Variants in ANKRD12 observed in about 807,000 individuals in gnomAD.
ANKRD12 encodes the protein ankyrin repeat domain-containing protein 12.
In ANKRD12, 85 loss-of-function variants were observed where a neutral mutation model predicts 183.4. That is an observed-to-expected ratio of 0.46 (90% CI 0.39 to 0.56). ANKRD12 has a LOEUF of 0.56. Among genes scored for constraint, ANKRD12 ranks in the 20% least tolerant of loss-of-function variants. The pLI is 0.00. For synonymous variants in ANKRD12, 914 were observed against 800.2 expected, an observed-to-expected ratio of 1.14 and a Z score of -2.40; for missense variants, 2,405 against 2,357.1, an observed-to-expected ratio of 1.02 and a Z score of -0.42.
rs766838475 is a variant in ANKRD12 at position 9,204,496 on chromosome 18, A to G, written c.256A>G (p.Ser86Gly). ...SDTDSDPGHT[S>G]ENWGERLISS... is the part of the protein sequence containing the mutation. Reference sequence around the variant, plus strand: ...TGTAGATTCAGATCCAGGACATACAAGTGAAAATTGGGGGGAGAGACTTAT... The same window carrying G: ...TGTAGATTCAGATCCAGGACATACAGGTGAAAATTGGGGGGAGAGACTTAT... Residue 86 changes from serine to glycine, a missense_variant, in exon 4 of 13, where the codon AGT becomes GGT. Physicochemically the swap from Ser to Gly is moderately conservative, Grantham distance 56. Around this residue, in one of 7 missense-constraint regions of ANKRD12, gnomAD observed 145 missense variants for 145.6 expected, o/e 1.00. Coordinates refer to ENST00000262126, the MANE Select transcript of ANKRD12 (RefSeq NM_015208.5). 6 of 1,603,274 alleles carry G rather than the reference A, an allele frequency of 3.7e-6. No individual in the cohort carries two copies. Among genetic ancestry groups the G allele is most frequent in the Non-Finnish European group, 5.1e-6 (6 of 1,172,518 alleles).
intron 1 of ANKRD12, among the ~76,000 whole-genome samples, chr18:9,166,849 AG>A (rs1280267765): frequency 1.3e-5 from 2 of 152,158 alleles, no homozygotes; most frequent in African/African-American, 4.8e-5. Flanking sequence ...TTATGGTTTT[AG>A]GTCTAACATG....
At chr18:9,269,921 C>T (rs968695321) in intron 10 of ANKRD12, among the ~76,000 whole-genome samples, 4 of 151,882 alleles carry the variant, frequency 2.6e-5, no homozygotes, top group Non-Finnish European at 5.9e-5. Context: ...AACAGATTTA[C>T]AAGAAAAAAC....
At chr18:9,269,153 C>T (rs949298737) in intron 10 of ANKRD12, among the ~76,000 whole-genome samples, 2 of 152,220 alleles carry the variant, frequency 1.3e-5, no homozygotes, top group Admixed American at 1.3e-4. Context: ...ATTCCAAGCT[C>T]ATGGGTAGGA....
Position 9,284,460 on chromosome 18 carries a change from T to C in ANKRD12, c.*3334T>C, listed in dbSNP as rs1039729851. ...AATTTTATATAGAAGAAATTGACTC[T>C]GTAAAACGCAATGAAATAGTCCTCT... is the stretch of plus-strand genomic sequence containing the variant. On this transcript the variant is annotated 3_prime_UTR_variant, in exon 13 of 13. Transcript: ENST00000262126. 1.3e-5 allele frequency: 2 copies of C among 152,216 alleles called. No individual in the cohort carries two copies. The highest frequency in any genetic ancestry group is 2.9e-5 in the Non-Finnish European group (2 of 68,042). The allele number at this position is 152,216 out of a possible 1,614,324, so 9.4% of individuals were successfully genotyped here.
At chr18:9,260,771 T>C (rs924610014) in intron 9 of ANKRD12, among the ~76,000 whole-genome samples, 3 of 152,204 alleles carry the variant, frequency 2.0e-5, no homozygotes, top group Admixed American at 1.3e-4. Flanking sequence ...CATATCTCTT[T>C]GGTGATTTTC....
intron 8 of ANKRD12, among the ~76,000 whole-genome samples, chr18:9,235,357 C>A (rs2037284008): frequency 1.3e-5 from 2 of 152,116 alleles, no homozygotes; most frequent in African/African-American, 4.8e-5. Context: ...GAAGAAAAAT[C>A]ATTTATCTTG....
chr18:9,221,685 G>A (rs1453026115), intron 7 of ANKRD12, among the ~76,000 whole-genome samples, 167 bp from the exon 8 acceptor site: 2 of 152,160 alleles, frequency 1.3e-5, no homozygotes, highest in Admixed American at 6.5e-5. Context: ...GGGAGTGTCA[G>A]TGAAAATGGA....
intron 1 of ANKRD12, among the ~76,000 whole-genome samples, chr18:9,156,817 G>A (rs942427026): frequency 1.3e-5 from 2 of 152,126 alleles, no homozygotes; most frequent in Non-Finnish European, 2.9e-5. Flanking sequence ...AAAAAAAATT[G>A]TGACACATGC....
At chr18:9,237,188 C>T (rs1479044825) in intron 8 of ANKRD12, among the ~76,000 whole-genome samples, 11 of 152,078 alleles carry the variant, frequency 7.2e-5, no homozygotes, top group Admixed American at 7.2e-4. Flanking sequence ...CTAGCAACAG[C>T]TAACAAAACT....
intron 1 of ANKRD12, among the ~76,000 whole-genome samples, chr18:9,158,666 G>A (rs1055409988): frequency 1.3e-5 from 2 of 152,088 alleles, no homozygotes; most frequent in Non-Finnish European, 1.5e-5. Flanking sequence ...TATTTGTCAG[G>A]TTTCTCTACA....
intron 8 of ANKRD12, among the ~76,000 whole-genome samples, chr18:9,224,922 C>A (rs983616382): frequency 6.6e-6 from 1 of 152,016 alleles, no homozygotes; most frequent in Non-Finnish European, 1.5e-5. Context: ...ACATTTTCCT[C>A]CAGTAAGAAT....
chr18:9,146,955 G>A (rs2078512985), intron 1 of ANKRD12, among the ~76,000 whole-genome samples: 1 of 152,194 alleles, frequency 6.6e-6, no homozygotes, highest in African/African-American at 2.4e-5. Context: ...ATTTTAATCT[G>A]TAATTTGAGC....
chr18:9,255,065 T>G lies in ANKRD12; in HGVS notation c.1798T>G (p.Cys600Gly). 6.3e-7 allele frequency: 1 copy of G among 1,585,994 alleles called. No individual in the cohort carries two copies. The highest frequency in any genetic ancestry group is 8.5e-7 in the Non-Finnish European group (1 of 1,170,552). The change falls in exon 9 of 13, where the codon TGT becomes GGT. Residue 600 changes from cysteine (C) to glycine (G), a missense_variant. Physicochemically the swap from Cys to Gly is radical, Grantham distance 159. This residue lies in a region of ANKRD12 where 1,983 missense variants were observed against 1,725.9 expected (regional missense o/e 1.15). Coordinates refer to ENST00000262126, the MANE Select transcript of ANKRD12 (RefSeq NM_015208.5). ...GCCAGAAAGTTCAAGTGTAAAATCT[T>G]GTAAGCATAAGGAAAAAAGCAAACA... is the stretch of plus-strand genomic sequence containing the variant. ...FLPESSSVKS[C>G]KHKEKSKHQK...
intron 10 of ANKRD12, among the ~76,000 whole-genome samples, chr18:9,264,809 C>T (rs907410855): frequency 6.6e-6 from 1 of 152,170 alleles, no homozygotes; most frequent in Non-Finnish European, 1.5e-5. Context: ...ATCTGTGTAC[C>T]TGTCCAGGTT....
At chr18:9,227,808 T>C (rs2036810760) in intron 8 of ANKRD12, among the ~76,000 whole-genome samples, 1 of 152,224 alleles carries the variant, frequency 6.6e-6, no homozygotes, top group Non-Finnish European at 1.5e-5. Flanking sequence ...TATGTTGGTA[T>C]CATTTCAAGT....
In ANKRD12 at chr18:9,258,886, A is replaced by G. The variant is rs1010133782; in HGVS notation, c.5619A>G (p.Ser1873=). The change falls in exon 9 of 13, where the codon TCA becomes TCG. Residue 1873 remains serine, a synonymous_variant. Transcript: ENST00000262126. ...YYDEYVTFNG[S]YLLDGNPLSK... is the part of the protein sequence containing the mutation. Reference sequence around the variant, plus strand: ...ACGAATATGTAACATTTAACGGATCATATCTCCTGGATGGAAACCCCTTAA... The same window carrying G: ...ACGAATATGTAACATTTAACGGATCGTATCTCCTGGATGGAAACCCCTTAA... 6 of 1,612,596 alleles carry G rather than the reference A, an allele frequency of 3.7e-6. No individual in the cohort carries two copies. In the African/African-American group the frequency reaches 5.3e-5, roughly 14 times the overall value.
chr18:9,245,369 T>C (rs1194933183), intron 8 of ANKRD12, among the ~76,000 whole-genome samples: 1 of 152,098 alleles, frequency 6.6e-6, no homozygotes, highest in Non-Finnish European at 1.5e-5. Flanking sequence ...GAGAATCACT[T>C]GAGCCCAGGA....
At chr18:9,239,338 A>C (rs1598654467) in intron 8 of ANKRD12, 1 of 188,314 alleles carries the variant, frequency 5.3e-6, no homozygotes, top group African/African-American at 2.4e-5. Flanking sequence ...TGCTGCAACA[A>C]ATTTTCCCAC....
At chr18:9,148,161 A>G (rs1019181236) in intron 1 of ANKRD12, among the ~76,000 whole-genome samples, 2 of 152,286 alleles carry the variant, frequency 1.3e-5, no homozygotes, top group Non-Finnish European at 2.9e-5. Context: ...TGGAAGTTGC[A>G]GCAATTTAGA....
Sources: allele counts gnomAD v4.1 joint callset (sites outside exome capture counted in the v4.1 genomes callset), GRCh38; gene constraint gnomAD v4.1.1; regional missense constraint gnomAD v4.1.1; transcripts MANE v1.5; gene names NCBI Gene and HGNC (gene_info 2026-07-23, HGNC 2026-07-21).